Variants in MAP3K2 observed in about 807,000 individuals in gnomAD.
MAP3K2 encodes the protein mitogen-activated protein kinase kinase kinase 2, also known as MAP/ERK kinase kinase 2.
In MAP3K2, 24 loss-of-function variants were observed where a neutral mutation model predicts 80.3. That is an observed-to-expected ratio of 0.30 (90% CI 0.22 to 0.42). The LOEUF is 0.42. Ranked by LOEUF, MAP3K2 falls within the 10% of genes least tolerant of loss-of-function variation. MAP3K2 has a pLI of 1.00. For synonymous variants in MAP3K2, 244 were observed against 253.7 expected (o/e 0.96, Z 0.36); for missense variants, 608 against 750.1 (o/e 0.81, Z 2.21).
At chr2:127,343,268 C>A in intron 1 of MAP3K2, 74 bp from the exon 2 acceptor site, 1 of 631,702 alleles carries the variant, frequency 1.6e-6, no homozygotes, top group South Asian at 2.3e-5. Flanking sequence ...AAAAAAAAGT[C>A]AGTTTAAATA....
intron 15 of MAP3K2, among the ~76,000 whole-genome samples, chr2:127,311,415 G>A (rs1028569863): frequency 6.6e-6 from 1 of 152,164 alleles, no homozygotes; most frequent in South Asian, 2.1e-4. Context: ...TCTCTGGGGC[G>A]GAATCACCAA....
intron 1 of MAP3K2, among the ~76,000 whole-genome samples, chr2:127,347,458 ATAAAAT>A (rs1398864902): frequency 6.6e-6 from 1 of 152,168 alleles, no homozygotes; most frequent in Non-Finnish European, 1.5e-5. Flanking sequence ...CATTCTGGAA[ATAAAAT>A]TAAGAAATCA....
intron 1 of MAP3K2, among the ~76,000 whole-genome samples, chr2:127,379,244 T>G (rs12052483): frequency 0.35 from 53,430 of 152,090 alleles, 10,155 homozygotes; most frequent in East Asian, 0.62. Flanking sequence ...TAAGAGAGCT[T>G]CTTTGTACAT....
At chr2:127,365,503 G>A (rs1686958049) in intron 1 of MAP3K2, among the ~76,000 whole-genome samples, 1 of 152,188 alleles carries the variant, frequency 6.6e-6, no homozygotes, top group African/African-American at 2.4e-5. Flanking sequence ...GAAGAGTATG[G>A]TTAGATAGAG....
intron 1 of MAP3K2, among the ~76,000 whole-genome samples, chr2:127,353,561 G>A (rs1341073714): frequency 3.7e-4 from 1 of 2,680 alleles, no homozygotes; most frequent in African/African-American, 8.7e-4. Context: ...CCGTCCGGGA[G>A]GGAGGTGGGG....
chr2:127,379,059 C>T (rs1687199990), intron 1 of MAP3K2, among the ~76,000 whole-genome samples: 3 of 146,232 alleles, frequency 2.1e-5, no homozygotes, highest in East Asian at 2.0e-4. Flanking sequence ...TGGGCTCCAG[C>T]GACCCACCCA....
At chr2:127,366,866 GT>G (rs367670762) in intron 1 of MAP3K2, among the ~76,000 whole-genome samples, 200 of 85,084 alleles carry the variant, frequency 2.4e-3, no homozygotes, top group African/African-American at 6.6e-3. Context: ...ACAGTCAAGG[GT>G]TTTTTTTTTT....
At position 127,324,139 on chromosome 2, in the gene MAP3K2, A is replaced by T. The variant is rs532985569; in HGVS notation, c.745+35T>A. 3.7e-5 allele frequency: 52 copies of T among 1,390,114 alleles called. No homozygotes were observed. The South Asian group carries it at 4.3e-4, about 11-fold the overall frequency. 86.1% of individuals were successfully genotyped at this position (1,390,114 alleles called of 1,614,324 possible). On this transcript the variant is annotated intron_variant, in intron 10 of 16. Transcript: ENST00000682094. Reference sequence around the variant, plus strand: ...CAGCCAAAACATTATCCAATGACATAAACATTTAAACATTTAGAATTTATA... The same window carrying T: ...CAGCCAAAACATTATCCAATGACATTAACATTTAAACATTTAGAATTTATA...
intron 1 of MAP3K2, among the ~76,000 whole-genome samples, chr2:127,373,066 A>G (rs1687093164): frequency 6.6e-6 from 1 of 152,216 alleles, no homozygotes. Flanking sequence ...TTGCATTTAC[A>G]ATACCAGCAA....
In MAP3K2 at chr2:127,300,426, A is replaced by G. The variant is rs755356267; in HGVS notation, c.*7153T>C. Reference sequence around the variant, plus strand: ...TAGAGAATTTAATGGCTACATTTAAAAATGTACATTATTATGTCAAAGGGT... The same window carrying G: ...TAGAGAATTTAATGGCTACATTTAAGAATGTACATTATTATGTCAAAGGGT... On this transcript the variant is annotated 3_prime_UTR_variant, in exon 17 of 17. Transcript: ENST00000682094. 5.9e-5 allele frequency: 9 copies of G among 152,066 alleles called. No individual in the cohort carries two copies. The highest frequency in any genetic ancestry group is 1.3e-4 in the Admixed American group (2 of 15,286). 9.4% of individuals were successfully genotyped at this position (152,066 alleles called of 1,614,324 possible). A position where few individuals can be genotyped will look rare whatever the true frequency, so the allele number is the denominator to read the frequency against.
intron 15 of MAP3K2, among the ~76,000 whole-genome samples, chr2:127,311,681 G>C (rs977205103): frequency 6.6e-6 from 1 of 151,938 alleles, no homozygotes; most frequent in Non-Finnish European, 1.5e-5. Context: ...AAGATGTCAT[G>C]ATCAACAAAT....
At chr2:127,326,545 A>G (rs186656053) in intron 8 of MAP3K2, 142 bp downstream of exon 8, 10 of 513,426 alleles carry the variant, frequency 1.9e-5, no homozygotes, top group African/African-American at 1.6e-4. Context: ...GCATTTTCCT[A>G]TATTTTTTCT....
intron 1 of MAP3K2, among the ~76,000 whole-genome samples, chr2:127,367,558 T>C (rs897480688): frequency 1.3e-5 from 2 of 152,082 alleles, no homozygotes; most frequent in African/African-American, 4.8e-5. Context: ...TTTGGGAGGC[T>C]GAGGCAGGCA....
chr2:127,384,091 T>C (rs1162906581), intron 1 of MAP3K2, among the ~76,000 whole-genome samples: 6 of 151,714 alleles, frequency 4.0e-5, no homozygotes, highest in Middle Eastern at 3.2e-3. Flanking sequence ...AAGACGGGGT[T>C]TCATCCTGTT....
Position 127,317,404 on chromosome 2 carries a change from G to A in MAP3K2, c.1326+225C>T, listed in dbSNP as rs141966103. Among the ~76,000 whole-genome samples the A allele has an allele frequency of 3.3e-5, 5 of 152,276 alleles. No individual in the cohort carries two copies. In the East Asian group the frequency reaches 9.6e-4, roughly 29 times the overall value. On this transcript the variant is annotated intron_variant, in intron 14 of 16. Transcript: ENST00000682094. ...ATTTAAGGAAATCTGAAGATGGGCT[G>A]CTAAGATGTCTGTAACCTACTTGAG... is the stretch of plus-strand genomic sequence containing the variant.
chr2:127,344,285 T>A (rs1331785262), intron 1 of MAP3K2, among the ~76,000 whole-genome samples: 1 of 152,128 alleles, frequency 6.6e-6, no homozygotes, highest in Non-Finnish European at 1.5e-5. Context: ...TTTCCATGCA[T>A]GCCCAAATTC....
At chr2:127,342,647 CAAAGGAGA>C (rs1160011586) in intron 2 of MAP3K2, among the ~76,000 whole-genome samples, 3 of 147,978 alleles carry the variant, frequency 2.0e-5, no homozygotes, top group Non-Finnish European at 3.0e-5. Flanking sequence ...ACCCTTAACA[CAAAGGAGA>C]AAAGGAAAAA....
intron 1 of MAP3K2, among the ~76,000 whole-genome samples, chr2:127,378,557 T>C (rs948110278): frequency 1.3e-5 from 2 of 152,198 alleles, no homozygotes; most frequent in African/African-American, 4.8e-5. Context: ...TTAAATATTA[T>C]ATAAATCAGT....
chr2:127,307,847 T>G lies in MAP3K2; in HGVS notation c.1635-43A>C, dbSNP rs904761955. 1 of 1,348,282 alleles carries G rather than the reference T, an allele frequency of 7.4e-7. No individual in the cohort carries two copies. The highest frequency in any genetic ancestry group is 1.5e-5 in the African/African-American group (1 of 68,692). The allele number at this position is 1,348,282 out of a possible 1,614,324, so 83.5% of individuals were successfully genotyped here. On this transcript the variant is annotated intron_variant, in intron 16 of 16. Coordinates refer to ENST00000682094, the MANE Select transcript of MAP3K2 (RefSeq NM_001371910.2). The surrounding 1 kb of genome is among the most constrained non-coding windows in gnomAD (Gnocchi z 5.4). The stretch of plus-strand genomic sequence containing the variant: ...GAAATACATTACACAAACAACAACA[T>G]GAAAGAAAGCTAGTTAGCTAGAAAA...
Sources: allele counts gnomAD v4.1 joint callset (sites outside exome capture counted in the v4.1 genomes callset), GRCh38; gene constraint gnomAD v4.1.1; non-coding constraint Gnocchi (gnomAD v3.1); transcripts MANE v1.5; gene names NCBI Gene and HGNC (gene_info 2026-07-23, HGNC 2026-07-21).